Variants in CC2D1B observed in about 807,000 individuals in gnomAD.
CC2D1B encodes coiled-coil and C2 domain-containing protein 1B.
A neutral mutation model predicts 110.8 loss-of-function variants in CC2D1B; 92 were observed. The observed-to-expected ratio is 0.83, with a 90% confidence interval of 0.70 to 0.99. CC2D1B has a LOEUF of 0.99. Ranked by LOEUF, CC2D1B falls within the 50% of genes least tolerant of loss-of-function variation. The pLI, the probability that CC2D1B is intolerant of heterozygous loss-of-function variation, is 0.00. For missense variants in CC2D1B, 1,136 were observed against 1,089.0 expected, an observed-to-expected ratio of 1.04 and a Z score of -0.61; for synonymous variants, 406 against 429.2, an observed-to-expected ratio of 0.95 and a Z score of 0.67.
In CC2D1B at chr1:52,364,570, C is replaced by T. The variant is rs1182766505; in HGVS notation, c.51G>A (p.Gly17=). 1 of 1,606,130 alleles carries T rather than the reference C, an allele frequency of 6.2e-7. No homozygotes were observed. The highest frequency in any genetic ancestry group is 2.2e-5 in the East Asian group (1 of 44,634). The change falls in exon 2 of 25, where the codon GGG becomes GGA. Residue 17 remains glycine (G), a synonymous_variant. Transcript: ENST00000284376. ...PRKGPQARGQ[G]VAAAKQMGLF... Reference sequence around the variant, plus strand: ...TCCATACCTGCTTGGCAGCGGCCACCCCTTGGCCTCTGGCCTGAGGGCCCT... The same window carrying T: ...TCCATACCTGCTTGGCAGCGGCCACTCCTTGGCCTCTGGCCTGAGGGCCCT...
Position 52,360,213 on chromosome 1 carries a change from GGCTA to G in CC2D1B, c.620_623del (p.Leu207ProfsTer3), listed in dbSNP as rs764015054. 1.2e-5 allele frequency: 19 copies of G among 1,613,996 alleles called. No individual in the cohort carries two copies. The highest frequency in any genetic ancestry group is 1.6e-5 in the Non-Finnish European group (19 of 1,180,012). On this transcript the variant is annotated frameshift_variant, in exon 7 of 25. Coordinates refer to ENST00000284376, the MANE Select transcript of CC2D1B (RefSeq NM_001330585.2). LOFTEE classifies it high-confidence loss of function. ...TGATCTTTCTGCCTCTCCTCACAGA[GGCTA>G]GCTGCGACTCCAAGGTCTGAGGGAG...
In CC2D1B at chr1:52,358,740, G is replaced by C. The variant is rs146508380; in HGVS notation, c.1276C>G (p.Arg426Gly). The C allele has an allele frequency of 2.5e-6, 4 of 1,611,432 alleles. No homozygotes were observed. Among genetic ancestry groups the C allele is most frequent in the Non-Finnish European group, 3.4e-6 (4 of 1,179,314 alleles). ...ACTTTCCGTCCTGCTCGGTGTGCTC[G>C]AATAGCATCTTGATATTGCTGCAAG... ...RIAKQYQDAI[R>G]AHRAGRKVNF... is the part of the protein sequence containing the mutation. Residue 426 changes from arginine (R) to glycine (G), a missense_variant, in exon 12 of 25, where the codon CGA (arginine) becomes GGA (glycine). Physicochemically the swap from Arg to Gly is moderately radical, Grantham distance 125. Coordinates refer to ENST00000284376, the MANE Select transcript of CC2D1B (RefSeq NM_001330585.2).
At chr1:52,365,431 G>A (rs1384598389) in intron 1 of CC2D1B, among the ~76,000 whole-genome samples, 2 of 152,254 alleles carry the variant, frequency 1.3e-5, no homozygotes, top group Non-Finnish European at 2.9e-5. Context: ...GGGAAAGAGG[G>A]AAATAGGATT....
intron 23 of CC2D1B, 38 bp from the exon 24 acceptor site, chr1:52,353,685 G>A: frequency 6.7e-7 from 1 of 1,491,256 alleles, no homozygotes; most frequent in South Asian, 1.2e-5. Context: ...TAACTAAGGG[G>A]ACAGAGATGG....
chr1:52,362,177 C>T (rs1008276348), intron 3 of CC2D1B, among the ~76,000 whole-genome samples: 2 of 152,092 alleles, frequency 1.3e-5, no homozygotes, highest in Non-Finnish European at 2.9e-5. Flanking sequence ...TGAGGGTTCC[C>T]GGTGAAAAGA....
At chr1:52,359,433 C>T (rs536057456) in intron 9 of CC2D1B, 26 bp downstream of exon 9, 26 of 1,613,754 alleles carry the variant, frequency 1.6e-5, no homozygotes, top group East Asian at 6.7e-5. Context: ...CCAACCCCAC[C>T]GCAGCCTGAG....
At chr1:52,356,014 C>A (rs1192302761) in intron 18 of CC2D1B, among the ~76,000 whole-genome samples, 170 bp from the exon 19 acceptor site, 2 of 152,188 alleles carry the variant, frequency 1.3e-5, no homozygotes, top group Non-Finnish European at 1.5e-5. Flanking sequence ...CCACAGCACC[C>A]AGACAGCTGT....
At chr1:52,361,220 G>A (rs1189042139) in intron 4 of CC2D1B, 88 bp from the exon 5 acceptor site, 3 of 1,495,982 alleles carry the variant, frequency 2.0e-6, no homozygotes, top group Non-Finnish European at 2.8e-6. Flanking sequence ...CTCTCTCTCA[G>A]CAATATTCCC....
Position 52,357,809 on chromosome 1 carries a change from T to C in CC2D1B, c.1551A>G (p.Ser517=). Residue 517 remains serine, a synonymous_variant, in exon 14 of 25, where the codon TCA becomes TCG. Transcript: ENST00000284376. The part of the protein sequence containing the change: ...SSQRLPEPRA[S]SSKESPSPSV... ...ATGGACTCGGTGACTCCTTAGAACT[T>C]GAGGCCCTGGGCTCAGGCAGGCGCT... 6.3e-7 allele frequency: 1 copy of C among 1,591,422 alleles called. No individual in the cohort carries two copies. Among genetic ancestry groups the C allele is most frequent in the Non-Finnish European group, 8.6e-7 (1 of 1,169,326 alleles).
At chr1:52,358,926 T>C in intron 11 of CC2D1B, 101 bp downstream of exon 11, 1 of 1,521,278 alleles carries the variant, frequency 6.6e-7, no homozygotes, top group Admixed American at 1.8e-5. Flanking sequence ...AAACAGATGA[T>C]GGTTCAGAAA....
intron 23 of CC2D1B, 40 bp downstream of exon 23, chr1:52,354,565 TGTC>T: frequency 2.6e-6 from 4 of 1,534,196 alleles, no homozygotes; most frequent in South Asian, 2.2e-5. Flanking sequence ...TATTGGCTCT[TGTC>T]GTACCAACCC....
At chr1:52,356,770 T>G (rs1557544400) in intron 16 of CC2D1B, 1 of 600,970 alleles carries the variant, frequency 1.7e-6, no homozygotes, top group Non-Finnish European at 2.9e-6. Context: ...CATCACAATG[T>G]TCTTTCCCTC....
intron 23 of CC2D1B, 47 bp from the exon 24 acceptor site, chr1:52,353,694 G>C: frequency 6.9e-7 from 1 of 1,438,858 alleles, no homozygotes; most frequent in African/African-American, 1.4e-5. Context: ...GGACAGAGAT[G>C]GGGAGCAGGC....
rs1179230973 is a variant in CC2D1B at position 52,352,990 on chromosome 1, A to AG, written c.*234dup. ...CCTTGCCCTCTTCCAGACTCGGGGC[A>AG]GGGGGAGACAGCGGGGAGATGGGCT... On this transcript the variant is annotated 3_prime_UTR_variant, in exon 25 of 25. Transcript: ENST00000284376. 2.6e-6 allele frequency: 1 copy of AG among 380,306 alleles called. No individual in the cohort carries two copies. The highest frequency in any genetic ancestry group is 2.1e-5 in the African/African-American group (1 of 46,924). 23.6% of individuals were successfully genotyped at this position (380,306 alleles called of 1,614,324 possible).
Position 52,364,650 on chromosome 1 carries a change from A to G in CC2D1B, c.-14-16T>C. ...GCCTAGATACCTATGGAAGAGTTACAGAGATTCAGGCTGGAGTAGCCCATA... is the reference window on the plus strand; with the variant it reads ...GCCTAGATACCTATGGAAGAGTTACGGAGATTCAGGCTGGAGTAGCCCATA... On this transcript the variant is annotated splice_polypyrimidine_tract_variant and intron_variant, in intron 1 of 24. Coordinates refer to ENST00000284376, the MANE Select transcript of CC2D1B (RefSeq NM_001330585.2). 1.3e-6 allele frequency: 2 copies of G among 1,574,228 alleles called. No individual in the cohort carries two copies. The highest frequency in any genetic ancestry group is 8.7e-7 in the Non-Finnish European group (1 of 1,147,078).
In CC2D1B at chr1:52,357,594, G is replaced by A. The variant is rs754445009; in HGVS notation, c.1684C>T (p.Arg562Trp). Residue 562 changes from arginine (R) to tryptophan (W), a missense_variant, in exon 15 of 25, where the codon CGG becomes TGG. By Grantham distance (101) the Arg-to-Trp change is moderately radical. Transcript: ENST00000284376. Reference sequence around the variant, plus strand: ...TGAGCCTCAAGCCATTTGGCTACCCGCAGATAGGCTTTGGCCTGCTCCAGG... The same window carrying A: ...TGAGCCTCAAGCCATTTGGCTACCCACAGATAGGCTTTGGCCTGCTCCAGG... Reference protein sequence around the residue: ...QDLEQAKAYLRVAKWLEAQII... With the variant: ...QDLEQAKAYLWVAKWLEAQII... 3.2e-5 allele frequency: 50 copies of A among 1,587,100 alleles called. No individual in the cohort carries two copies. The Middle Eastern group carries it at 8.3e-4, about 26-fold the overall frequency.
Position 52,358,423 on chromosome 1 carries a change from C to A in CC2D1B, c.1369G>T (p.Val457Phe), listed in dbSNP as rs1454705796. ...PIPGLESTMGVEEDAVAATLA... is the reference protein window; with the variant it reads ...PIPGLESTMGFEEDAVAATLA... The stretch of plus-strand genomic sequence containing the variant: ...GTCGCTGCCACTGCGTCCTCCTCAA[C>A]ACCCATAGTGGACTCCAGGCCAGGG... Residue 457 changes from valine (V) to phenylalanine (F), a missense_variant, in exon 13 of 25, where the codon GTT becomes TTT. Coordinates refer to ENST00000284376, the MANE Select transcript of CC2D1B (RefSeq NM_001330585.2). The A allele has an allele frequency of 6.2e-7, 1 of 1,613,978 alleles. No homozygotes were observed. Among genetic ancestry groups the A allele is most frequent in the Non-Finnish European group, 8.5e-7 (1 of 1,180,030 alleles).
In CC2D1B at chr1:52,354,978, C is replaced by T. The variant is rs766666522; in HGVS notation, c.2240-39G>A. 18 of 1,539,620 alleles carry T rather than the reference C, an allele frequency of 1.2e-5. No individual in the cohort carries two copies. In the Admixed American group the frequency reaches 1.2e-4, roughly 10 times the overall value. ...AGAAAGCAAGGAGGGGCTTGGCTCT[C>T]GGGATTTCCTGAGGAAGTGGAAATG... On this transcript the variant is annotated intron_variant, in intron 21 of 24. Transcript: ENST00000284376.
chr1:52,359,329 A>T lies in CC2D1B; in HGVS notation c.1047T>A (p.Ala349=). Residue 349 remains alanine, a synonymous_variant, in exon 10 of 25, where the codon GCT becomes GCA. Coordinates refer to ENST00000284376, the MANE Select transcript of CC2D1B (RefSeq NM_001330585.2). ...EDLKPQQASQ[A]PTAPSVIPPA... is the part of the protein sequence containing the mutation. ...GGGGAATGACTGAGGGTGCTGTGGG[A>T]GCCTGAGAAGCCTGCTGGGGCTTCA... The T allele has an allele frequency of 6.2e-7, 1 of 1,613,226 alleles. No individual in the cohort carries two copies. The highest frequency in any genetic ancestry group is 8.5e-7 in the Non-Finnish European group (1 of 1,179,812).
Sources: gnomAD v4.1 joint callset for allele counts (sites outside exome capture counted in the v4.1 genomes callset) on GRCh38, gnomAD v4.1.1 for gene constraint, MANE v1.5 for transcripts, NCBI Gene and HGNC (gene_info 2026-07-23, HGNC 2026-07-21) for gene names.